SLC20A1: variants seen among roughly 807,000 people sequenced by gnomAD.
SLC20A1 encodes the protein sodium-dependent phosphate transporter 1.
SLC20A1 carries 28 observed loss-of-function variants against 62.7 expected under a neutral mutation model. The observed-to-expected ratio is 0.45, with a 90% CI of 0.33 to 0.61. The LOEUF (loss-of-function observed/expected upper bound fraction) is 0.61. SLC20A1 is among the 20% of genes least tolerant of loss of function. The probability of loss-of-function intolerance (pLI) is 0.02; values close to 1 mark genes in which losing one functional copy is unlikely to be tolerated. For synonymous variants in SLC20A1, 305 were observed against 302.9 expected (o/e 1.01, Z -0.07); for missense variants, 673 against 838.6 (o/e 0.80, Z 2.44).
At chr2:112,648,679 A>G (rs958948943) in intron 4 of SLC20A1, among the ~76,000 whole-genome samples, 2 of 152,258 alleles carry the variant, frequency 1.3e-5, no homozygotes, top group Non-Finnish European at 2.9e-5. Flanking sequence ...ACTGTTTTCC[A>G]TAGCCAGAAT....
chr2:112,662,610 T>A (rs551004285), intron 10 of SLC20A1, among the ~76,000 whole-genome samples: 1 of 152,282 alleles, frequency 6.6e-6, no homozygotes, highest in East Asian at 1.9e-4. Context: ...CAGTATATAT[T>A]CATTAAATTT....
At chr2:112,658,046 A>G (rs1437198269) in intron 6 of SLC20A1, among the ~76,000 whole-genome samples, 1 of 152,234 alleles carries the variant, frequency 6.6e-6, no homozygotes, top group African/African-American at 2.4e-5. Context: ...GCGTCACCGC[A>G]GCTGAACCGA....
intron 10 of SLC20A1, among the ~76,000 whole-genome samples, chr2:112,661,878 A>G (rs934180884): frequency 1.3e-5 from 2 of 152,082 alleles, no homozygotes; most frequent in African/African-American, 4.8e-5. Flanking sequence ...CCTTTGGGGA[A>G]GCCATTCAGA....
At chr2:112,652,324 C>T in intron 4 of SLC20A1, 1 of 210,658 alleles carries the variant, frequency 4.7e-6, no homozygotes, top group Non-Finnish European at 9.5e-6. Context: ...TAAGCAACAT[C>T]CTAACATAGT....
At chr2:112,660,747 G>A in intron 9 of SLC20A1, 175 bp downstream of exon 9, 1 of 614,574 alleles carries the variant, frequency 1.6e-6, no homozygotes, top group Non-Finnish European at 2.7e-6. Flanking sequence ...ATTTTGGTCA[G>A]ACATTTTACC....
Position 112,663,028 on chromosome 2 carries a change from C to G in SLC20A1, c.*3C>G. On this transcript the variant is annotated 3_prime_UTR_variant, in exon 11 of 11. Coordinates refer to ENST00000272542, the MANE Select transcript of SLC20A1 (RefSeq NM_005415.5). ...GATATGTCATCCTCAGAATGTGAAGCTGTTTGAGATTAAAATTTGTGTCAA... is the reference window on the plus strand; with the variant it reads ...GATATGTCATCCTCAGAATGTGAAGGTGTTTGAGATTAAAATTTGTGTCAA... 1 of 1,613,888 alleles carries G rather than the reference C, an allele frequency of 6.2e-7. No individual in the cohort carries two copies. The highest frequency in any genetic ancestry group is 8.5e-7 in the Non-Finnish European group (1 of 1,179,862).
At chr2:112,650,867 CT>C (rs1337155858) in intron 4 of SLC20A1, among the ~76,000 whole-genome samples, 1 of 152,178 alleles carries the variant, frequency 6.6e-6, no homozygotes, top group Non-Finnish European at 1.5e-5. Context: ...AAGCCATCCC[CT>C]GCCTCATCCT....
chr2:112,657,264 AAAAG>A (rs1316436062), intron 6 of SLC20A1, 23 bp downstream of exon 6: 1 of 1,605,536 alleles, frequency 6.2e-7, no homozygotes, highest in African/African-American at 1.3e-5. Context: ...TAAACAGCAG[AAAAG>A]TTTAACTACT....
In SLC20A1 at chr2:112,660,474, A is replaced by G. The variant is rs779706949; in HGVS notation, c.1695A>G (p.Leu565=). ...SSKVATPIWL[L]LYGGVGICVG... Reference sequence around the variant, plus strand: ...AAGTGGCAACACCAATATGGCTTCTACTCTATGGTGGTGTTGGTATCTGTG... The same window carrying G: ...AAGTGGCAACACCAATATGGCTTCTGCTCTATGGTGGTGTTGGTATCTGTG... Residue 565 remains leucine, a synonymous_variant, in exon 9 of 11, where the codon CTA becomes CTG. Transcript: ENST00000272542. The G allele has an allele frequency of 1.2e-6, 2 of 1,614,012 alleles. No homozygotes were observed.
chr2:112,646,303 G>T (rs1385684356), intron 1 of SLC20A1, among the ~76,000 whole-genome samples, 174 bp downstream of exon 1: 5 of 151,886 alleles, frequency 3.3e-5, no homozygotes, highest in Non-Finnish European at 7.4e-5. Context: ...GTCCCCGGGC[G>T]GCGCGCGCGG....
chr2:112,658,038 G>A (rs948744726), intron 6 of SLC20A1, among the ~76,000 whole-genome samples: 10 of 152,234 alleles, frequency 6.6e-5, no homozygotes, highest in Non-Finnish European at 1.2e-4. Flanking sequence ...AGAACGCTGC[G>A]TCACCGCAGC....
At chr2:112,654,225 T>G (rs561263935) in intron 5 of SLC20A1, among the ~76,000 whole-genome samples, 1 of 152,240 alleles carries the variant, frequency 6.6e-6, no homozygotes, top group Non-Finnish European at 1.5e-5. Context: ...TAAGAAAATA[T>G]TGTTCTTACT....
At chr2:112,661,397 C>T (rs937944242) in intron 10 of SLC20A1, among the ~76,000 whole-genome samples, 171 bp downstream of exon 10, 7 of 152,136 alleles carry the variant, frequency 4.6e-5, no homozygotes, top group African/African-American at 1.7e-4. Context: ...TAGATATTCT[C>T]CCCAAATAAT....
chr2:112,659,889 G>C, intron 8 of SLC20A1, 127 bp downstream of exon 8: 1 of 712,874 alleles, frequency 1.4e-6, no homozygotes, highest in South Asian at 1.8e-5. Context: ...AATAGGATGA[G>C]GTAATAGCAG....
chr2:112,657,188 G>C lies in SLC20A1; in HGVS notation c.725G>C (p.Cys242Ser). 1 of 1,612,828 alleles carries C rather than the reference G, an allele frequency of 6.2e-7. No homozygotes were observed. The highest frequency in any genetic ancestry group is 8.5e-7 in the Non-Finnish European group (1 of 1,179,600). Residue 242 changes from cysteine to serine, a missense_variant, in exon 6 of 11, where the codon TGT (cysteine) becomes TCT (serine). By Grantham distance (112) the Cys-to-Ser change is moderately radical. Coordinates refer to ENST00000272542, the MANE Select transcript of SLC20A1 (RefSeq NM_005415.5). ...ATCTCGGTGGGATGTGCAGTTTTCT[G>C]TGCCCTTATCGTCTGGTTCTTTGTA... ...ILISVGCAVFCALIVWFFVCP... is the reference protein window; with the variant it reads ...ILISVGCAVFSALIVWFFVCP...
chr2:112,646,777 A>G lies in SLC20A1; in HGVS notation c.-52A>G. 3 of 1,271,368 alleles carry G rather than the reference A, an allele frequency of 2.4e-6. No homozygotes were observed. The highest frequency in any genetic ancestry group is 2.3e-5 in the East Asian group (1 of 42,940). The allele number at this position is 1,271,368 out of a possible 1,614,324, so 78.8% of individuals were successfully genotyped here. On this transcript the variant is annotated 5_prime_UTR_variant, in exon 2 of 11. Transcript: ENST00000272542. ...TTGATACCTCATATTCTGTTTACAC[A>G]TCTTGAAAGGCGCTCAGTAGTTCTC...
intron 5 of SLC20A1, 67 bp from the exon 6 acceptor site, chr2:112,657,055 G>C (rs776495757): frequency 6.3e-6 from 10 of 1,597,456 alleles, no homozygotes; most frequent in Non-Finnish European, 8.6e-6. Context: ...CCCCAGAGGA[G>C]GGTTTACACA....
At chr2:112,647,937 A>C (rs1352680158) in intron 4 of SLC20A1, among the ~76,000 whole-genome samples, 199 bp downstream of exon 4, 1 of 152,212 alleles carries the variant, frequency 6.6e-6, no homozygotes, top group African/African-American at 2.4e-5. Flanking sequence ...GGCAGTCAGG[A>C]AGGAAAAATT....
rs540684988 is a variant in SLC20A1, at chr2:112,659,480, G to T, written c.1325G>T (p.Gly442Val). The change falls in exon 8 of 11, where the codon GGC (glycine) becomes GTC (valine). Residue 442 changes from glycine (G) to valine (V), a missense_variant. Transcript: ENST00000272542. ...SFRAKEGEQK[G>V]EEMEKLTWPN... Reference sequence around the variant, plus strand: ...CGTGCCAAAGAAGGTGAACAGAAGGGCGAAGAAATGGAGAAGCTGACATGG... The same window carrying T: ...CGTGCCAAAGAAGGTGAACAGAAGGTCGAAGAAATGGAGAAGCTGACATGG... The T allele has an allele frequency of 6.8e-6, 11 of 1,614,074 alleles. No individual in the cohort carries two copies. Among genetic ancestry groups the T allele is most frequent in the African/African-American group, 1.3e-5 (1 of 74,914 alleles).
Sources: gnomAD v4.1 joint callset for allele counts (sites outside exome capture counted in the v4.1 genomes callset) on GRCh38, gnomAD v4.1.1 for gene constraint, MANE v1.5 for transcripts, NCBI Gene and HGNC (gene_info 2026-07-23, HGNC 2026-07-21) for gene names.